Variants in TMTC2 observed in about 807,000 individuals in gnomAD.
TMTC2 encodes the protein protein O-mannosyl-transferase TMTC2.
TMTC2 carries 43 observed loss-of-function variants against 82.4 expected under a neutral mutation model. The observed-to-expected ratio is 0.52, with a 90% CI of 0.41 to 0.67. The LOEUF (loss-of-function observed/expected upper bound fraction) is 0.67. TMTC2 is among the 30% of genes least tolerant of loss of function. TMTC2 has a pLI of 0.00. For synonymous variants in TMTC2, 408 were observed against 381.9 expected, an observed-to-expected ratio of 1.07 and a Z score of -0.80; for missense variants, 919 against 1,012.4, an observed-to-expected ratio of 0.91 and a Z score of 1.25.
chr12:83,114,312 A>G (rs1024503990), intron 11 of TMTC2, among the ~76,000 whole-genome samples: 1 of 152,048 alleles, frequency 6.6e-6, no homozygotes, highest in African/African-American at 2.4e-5. Flanking sequence ...GCCTGCACAC[A>G]CCAAGGAAGG....
intron 9 of TMTC2, among the ~76,000 whole-genome samples, chr12:83,032,201 TG>T (rs1277135351): frequency 6.7e-6 from 1 of 149,578 alleles, no homozygotes; most frequent in Non-Finnish European, 1.5e-5. Flanking sequence ...TGCCTCATAC[TG>T]ATTCTACTTA....
chr12:82,983,559 G>A (rs1879022142), intron 7 of TMTC2, among the ~76,000 whole-genome samples: 2 of 152,038 alleles, frequency 1.3e-5, no homozygotes, highest in African/African-American at 4.8e-5. Flanking sequence ...TTGTATTTCA[G>A]AAGTGCTCAG....
In TMTC2 at chr12:82,777,399, A is replaced by G. The variant is rs1877655582; in HGVS notation, c.84-79611A>G. Among the ~76,000 whole-genome samples the G allele has an allele frequency of 2.0e-5, 3 of 152,302 alleles. No individual in the cohort carries two copies. The South Asian group carries it at 6.2e-4, about 32-fold the overall frequency. On this transcript the variant is annotated intron_variant, in intron 1 of 11. Transcript: ENST00000321196. ...ATTGGTATAGCAAGGGAGTAGAACAAATAGAATCAAAATGAAATATGCTAA... is the reference window on the plus strand; with the variant it reads ...ATTGGTATAGCAAGGGAGTAGAACAGATAGAATCAAAATGAAATATGCTAA...
chr12:82,901,310 C>CTTT (rs1275831506), intron 3 of TMTC2, among the ~76,000 whole-genome samples: 2 of 99,662 alleles, frequency 2.0e-5, no homozygotes, highest in African/African-American at 3.9e-5. Context: ...ATTTTTTTTT[C>CTTT]TTTTTTTTTT....
chr12:82,997,221 C>CTCTCTCTCTATATATATATA (rs1451262969), intron 8 of TMTC2, among the ~76,000 whole-genome samples: 4 of 118,546 alleles, frequency 3.4e-5, no homozygotes, highest in African/African-American at 1.5e-4. Flanking sequence ...CTCTCTCTCT[C>CTCTCTCTCTATATATATATA]TATATATATA....
chr12:83,056,730 A>G (rs1008068125), intron 10 of TMTC2, among the ~76,000 whole-genome samples: 2 of 151,924 alleles, frequency 1.3e-5, no homozygotes, highest in Non-Finnish European at 2.9e-5. Context: ...TTTTTCAATT[A>G]TAAGTTATAT....
intron 1 of TMTC2, among the ~76,000 whole-genome samples, chr12:82,736,953 A>G (rs1316337894): frequency 1.3e-5 from 2 of 152,176 alleles, no homozygotes; most frequent in Non-Finnish European, 2.9e-5. Flanking sequence ...ATTTGTATAA[A>G]CTAATGTACC....
intron 11 of TMTC2, among the ~76,000 whole-genome samples, chr12:83,100,119 C>G (rs1391685714): frequency 1.3e-5 from 2 of 151,954 alleles, no homozygotes; most frequent in Non-Finnish European, 2.9e-5. Context: ...GGGGTTTCAC[C>G]ATGTTGGTCA....
intron 1 of TMTC2, among the ~76,000 whole-genome samples, chr12:82,791,887 A>G (rs993292041): frequency 3.3e-5 from 5 of 152,088 alleles, no homozygotes; most frequent in Non-Finnish European, 4.4e-5. Flanking sequence ...CTCCACAGCC[A>G]CTGCTTATGC....
In TMTC2 at chr12:83,102,531, A is replaced by C. The variant is rs541254480; in HGVS notation, c.2332-29679A>C. ...ATATCAAAATGCAAAACAGTCATGC[A>C]TGTGATAAGTGTTCTTTATAGTAAA... On this transcript the variant is annotated intron_variant, in intron 11 of 11. Transcript: ENST00000321196. Among the ~76,000 whole-genome samples the C allele has an allele frequency of 9.0e-4, 137 of 152,340 alleles. 1 individual carries two copies. Among genetic ancestry groups the C allele is most frequent in the Non-Finnish European group, 1.8e-3 (123 of 68,026 alleles).
At chr12:83,086,258 G>T (rs751764850) in intron 11 of TMTC2, among the ~76,000 whole-genome samples, 1 of 151,832 alleles carries the variant, frequency 6.6e-6, no homozygotes, top group African/African-American at 2.4e-5. Flanking sequence ...CGCAGTGGCC[G>T]GGCAGAGGTG....
chr12:83,086,293 C>T (rs992672785), intron 11 of TMTC2, among the ~76,000 whole-genome samples: 5 of 151,592 alleles, frequency 3.3e-5, no homozygotes, highest in South Asian at 2.1e-4. Context: ...GACAGTGGGG[C>T]GGCCGGGCAG....
intron 2 of TMTC2, among the ~76,000 whole-genome samples, chr12:82,864,360 G>A (rs975495567): frequency 1.3e-5 from 2 of 151,936 alleles, no homozygotes; most frequent in East Asian, 1.9e-4. Context: ...CTCGGGAGTC[G>A]GGGGTGAGGG....
At chr12:82,757,625 T>C (rs1876409778) in intron 1 of TMTC2, among the ~76,000 whole-genome samples, 2 of 152,210 alleles carry the variant, frequency 1.3e-5, no homozygotes, top group South Asian at 4.1e-4. Flanking sequence ...TATTAATGAA[T>C]TTTCAAATTG....
intron 8 of TMTC2, among the ~76,000 whole-genome samples, chr12:83,029,550 G>T (rs1881334625): frequency 1.3e-5 from 2 of 152,168 alleles, no homozygotes; most frequent in African/African-American, 4.8e-5. Flanking sequence ...GTTTATGTGG[G>T]TAGAGAGTAT....
intron 7 of TMTC2, among the ~76,000 whole-genome samples, chr12:82,970,246 T>TA (rs1878389250): frequency 6.6e-6 from 1 of 152,250 alleles, no homozygotes; most frequent in Non-Finnish European, 1.5e-5. Flanking sequence ...ATTAAAGTGA[T>TA]AAAAAAGGTA....
At chr12:82,898,727 C>T (rs970386523) in intron 3 of TMTC2, among the ~76,000 whole-genome samples, 1 of 152,160 alleles carries the variant, frequency 6.6e-6, no homozygotes, top group African/African-American at 2.4e-5. Flanking sequence ...TGTACCCGAT[C>T]TTAGAGCATA....
intron 1 of TMTC2, among the ~76,000 whole-genome samples, chr12:82,718,921 A>G (rs1367473023): frequency 6.6e-6 from 1 of 151,588 alleles, no homozygotes; most frequent in African/African-American, 2.4e-5. Flanking sequence ...TACCACATTC[A>G]TGCCCATTCT....
At chr12:82,899,761 T>C (rs1490425723) in intron 3 of TMTC2, among the ~76,000 whole-genome samples, 5 of 145,086 alleles carry the variant, frequency 3.4e-5, no homozygotes, top group Non-Finnish European at 7.5e-5. Flanking sequence ...TATAAGAATA[T>C]ATATGTGGAA....
Sources: gnomAD v4.1 joint callset for allele counts (sites outside exome capture counted in the v4.1 genomes callset) on GRCh38, gnomAD v4.1.1 for gene constraint, MANE v1.5 for transcripts, NCBI Gene and HGNC (gene_info 2026-07-23, HGNC 2026-07-21) for gene names.